The following MAPKAP1 variants were observed in gnomAD, a reference collection of about 807,000 sequenced individuals.
MAPKAP1 encodes MAPK associated protein 1, also known as target of rapamycin complex 2 subunit MAPKAP1.
Under a neutral mutation model 65.7 loss-of-function variants are expected in MAPKAP1, and 20 were observed. The observed-to-expected ratio is 0.30, with a 90% CI of 0.21 to 0.44. The LOEUF is 0.44. Ranked by LOEUF, MAPKAP1 falls within the 20% of genes least tolerant of loss-of-function variation. MAPKAP1 has a pLI of 1.00. For synonymous variants in MAPKAP1, 222 were observed against 244.3 expected (o/e 0.91, Z 0.85); for missense variants, 423 against 648.0 (o/e 0.65, Z 3.77).
chr9:125,623,638 A>G (rs1589354512), intron 4 of MAPKAP1, among the ~76,000 whole-genome samples: 2 of 14,492 alleles, frequency 1.4e-4, no homozygotes, highest in African/African-American at 1.5e-4. Context: ...CTCTCTGCCC[A>G]GCAGCCACCC....
At chr9:125,682,430 T>C (rs1178976637) in intron 1 of MAPKAP1, among the ~76,000 whole-genome samples, 1 of 152,254 alleles carries the variant, frequency 6.6e-6, no homozygotes, top group Non-Finnish European at 1.5e-5. Flanking sequence ...ACAATCTGTA[T>C]TTTCAAAGTG....
chr9:125,626,743 GA>G (rs1833130411), intron 4 of MAPKAP1, among the ~76,000 whole-genome samples: 1 of 152,146 alleles, frequency 6.6e-6, no homozygotes, highest in South Asian at 2.1e-4. Flanking sequence ...TAATAAAGTA[GA>G]TACATTTAAT....
chr9:125,577,048 G>A (rs1364930899), intron 5 of MAPKAP1, among the ~76,000 whole-genome samples: 10 of 150,826 alleles, frequency 6.6e-5, no homozygotes, highest in African/African-American at 2.2e-4. Flanking sequence ...ATCTCTGCCC[G>A]GCCGCCATCC....
chr9:125,689,206 G>A (rs1207254251), intron 1 of MAPKAP1, among the ~76,000 whole-genome samples: 4 of 150,236 alleles, frequency 2.7e-5, no homozygotes, highest in African/African-American at 9.8e-5. Flanking sequence ...GGGAGGCCGA[G>A]GTGGGCGGAT....
At chr9:125,599,305 C>T (rs1483021176) in intron 4 of MAPKAP1, among the ~76,000 whole-genome samples, 3 of 152,092 alleles carry the variant, frequency 2.0e-5, no homozygotes, top group African/African-American at 7.2e-5. Context: ...GTGAAGTAGC[C>T]CCTTTTCTTC....
intron 4 of MAPKAP1, among the ~76,000 whole-genome samples, chr9:125,629,034 G>A (rs1233188062): frequency 2.0e-5 from 3 of 148,762 alleles, no homozygotes; most frequent in African/African-American, 7.5e-5. Context: ...ACTTACACCT[G>A]TTAGGATGGT....
intron 6 of MAPKAP1, among the ~76,000 whole-genome samples, chr9:125,550,802 T>C (rs995981695): frequency 6.6e-6 from 1 of 152,356 alleles, no homozygotes; most frequent in African/African-American, 2.4e-5. Context: ...TGAAAATGTT[T>C]GCTAATACAA....
chr9:125,474,343 A>C (rs1854029474), intron 9 of MAPKAP1, among the ~76,000 whole-genome samples: 1 of 152,134 alleles, frequency 6.6e-6, no homozygotes, highest in Non-Finnish European at 1.5e-5. Context: ...TCAAATCAGG[A>C]AGAATGTTCT....
chr9:125,609,894 TTCTC>T (rs1256814988), intron 4 of MAPKAP1, among the ~76,000 whole-genome samples: 1 of 152,224 alleles, frequency 6.6e-6, no homozygotes, highest in Non-Finnish European at 1.5e-5. Flanking sequence ...GCCACATAAA[TTCTC>T]TCTTTTGATC....
At chr9:125,615,037 T>C (rs182039819) in intron 4 of MAPKAP1, among the ~76,000 whole-genome samples, 17 of 152,328 alleles carry the variant, frequency 1.1e-4, no homozygotes, top group Non-Finnish European at 2.1e-4. Context: ...ATGGAAGTTA[T>C]AGGAGTTTAT....
intron 10 of MAPKAP1, among the ~76,000 whole-genome samples, chr9:125,455,119 G>A (rs1345017422): frequency 6.6e-6 from 1 of 152,140 alleles, no homozygotes; most frequent in Non-Finnish European, 1.5e-5. Context: ...CAGTGGCAGA[G>A]GGAAGACTGT....
chr9:125,585,856 G>T, intron 4 of MAPKAP1, 129 bp from the exon 5 acceptor site: 2 of 824,808 alleles, frequency 2.4e-6, no homozygotes, highest in Non-Finnish European at 1.8e-6. Context: ...ACCATGGAAT[G>T]GTCCCAAAGT....
intron 5 of MAPKAP1, chr9:125,567,936 C>G (rs1589294314): frequency 6.6e-6 from 1 of 152,208 alleles, no homozygotes; most frequent in Admixed American, 6.5e-5. Context: ...AGGGACAATA[C>G]TGAGGAGACC....
chr9:125,560,642 A>C (rs1830866574), intron 5 of MAPKAP1, among the ~76,000 whole-genome samples: 1 of 152,252 alleles, frequency 6.6e-6, no homozygotes, highest in Admixed American at 6.5e-5. Flanking sequence ...CAGGAGAAAT[A>C]CTCAAGGTAA....
chr9:125,489,533 T>C (rs1474746933), intron 8 of MAPKAP1, among the ~76,000 whole-genome samples: 3 of 152,098 alleles, frequency 2.0e-5, no homozygotes, highest in Non-Finnish European at 4.4e-5. Context: ...ACAGCTCAAA[T>C]GGACTGACAA....
chr9:125,664,724 C>CAAAACAAA (rs1834289491), intron 3 of MAPKAP1, among the ~76,000 whole-genome samples: 1 of 59,930 alleles, frequency 1.7e-5, no homozygotes, highest in Non-Finnish European at 3.2e-5. Flanking sequence ...GACTCACTCT[C>CAAAACAAA]AAAAAAAAAA....
chr9:125,693,662 C>CGTATATATGCACGTATACAT (rs1157778497), intron 1 of MAPKAP1, among the ~76,000 whole-genome samples: 1 of 141,910 alleles, frequency 7.0e-6, no homozygotes, highest in African/African-American at 2.7e-5. Flanking sequence ...TATACATACA[C>CGTATATATGCACGTATACAT]ACACATATAC....
chr9:125,454,914 A>G (rs1021977630), intron 10 of MAPKAP1, among the ~76,000 whole-genome samples: 13 of 152,136 alleles, frequency 8.5e-5, no homozygotes, highest in African/African-American at 3.1e-4. Context: ...GGCTGGGTGC[A>G]GTGGCTCATG....
At chr9:125,604,208 T>C (rs2131616680) in intron 4 of MAPKAP1, among the ~76,000 whole-genome samples, 1 of 152,338 alleles carries the variant, frequency 6.6e-6, no homozygotes, top group Middle Eastern at 3.4e-3. Flanking sequence ...TTCCCTGTTA[T>C]ACAAAGCATA....
Sources: gnomAD v4.1 joint callset for allele counts (sites outside exome capture counted in the v4.1 genomes callset) on GRCh38, gnomAD v4.1.1 for gene constraint, MANE v1.5 for transcripts, NCBI Gene and HGNC (gene_info 2026-07-23, HGNC 2026-07-21) for gene names.